Variants in NRXN3 observed in about 807,000 individuals in gnomAD.
NRXN3 encodes the protein neurexin III.
Under a neutral mutation model 137.6 loss-of-function variants are expected in NRXN3, and 32 were observed. The observed-to-expected ratio is 0.23, with a 90% CI of 0.18 to 0.31. The LOEUF (loss-of-function observed/expected upper bound fraction) is 0.31, where lower values mean the gene tolerates loss of function less well. Ranked by LOEUF, NRXN3 falls within the 10% of genes least tolerant of loss-of-function variation. The pLI, the probability that NRXN3 is intolerant of heterozygous loss-of-function variation, is 1.00. For synonymous variants in NRXN3, 798 were observed against 784.5 expected (o/e 1.02, Z -0.29); for missense variants, 1,574 against 2,062.5 (o/e 0.76, Z 4.59).
chr14:78,300,645 G>A, intron 4 of NRXN3: 1 of 1,523,296 alleles, frequency 6.6e-7, no homozygotes. Context: ...TGAACACCAT[G>A]CTTCCTCTAC....
At chr14:79,440,590 C>G (rs1433934873) in intron 15 of NRXN3, among the ~76,000 whole-genome samples, 2 of 152,138 alleles carry the variant, frequency 1.3e-5, no homozygotes, top group Non-Finnish European at 2.9e-5. Context: ...GCAGTGGTGT[C>G]TGGATTTGTA....
At chr14:78,709,996 C>G (rs569093586) in intron 7 of NRXN3, 1 of 257,800 alleles carries the variant, frequency 3.9e-6, no homozygotes, top group African/African-American at 2.2e-5. Context: ...TTCTTTGCTT[C>G]TCTTTTTCCT....
chr14:79,295,481 T>A (rs1159919665), intron 15 of NRXN3, among the ~76,000 whole-genome samples: 1 of 152,186 alleles, frequency 6.6e-6, no homozygotes, highest in African/African-American at 2.4e-5. Flanking sequence ...CTTGAATATC[T>A]CTGTTACAGT....
intron 19 of NRXN3, among the ~76,000 whole-genome samples, chr14:79,739,850 G>A (rs2098954905): frequency 6.6e-6 from 1 of 151,900 alleles, no homozygotes; most frequent in Admixed American, 6.6e-5. Flanking sequence ...CTGTTTCAAA[G>A]AATACCATCT....
intron 10 of NRXN3, among the ~76,000 whole-genome samples, chr14:78,898,383 A>G (rs1037029338): frequency 3.3e-5 from 5 of 151,926 alleles, no homozygotes; most frequent in East Asian, 2.0e-4. Flanking sequence ...AGAACTTACA[A>G]CTCCAGCAAT....
chr14:78,537,865 G>A (rs2096551302), intron 4 of NRXN3, among the ~76,000 whole-genome samples: 1 of 152,110 alleles, frequency 6.6e-6, no homozygotes, highest in South Asian at 2.1e-4. Flanking sequence ...ATTAAATAGG[G>A]AATCCTTTCC....
chr14:78,801,292 G>T (rs768715361), intron 8 of NRXN3, among the ~76,000 whole-genome samples: 4 of 152,190 alleles, frequency 2.6e-5, no homozygotes, highest in Non-Finnish European at 5.9e-5. Context: ...CAGCACTCCA[G>T]CCTGGATGAC....
chr14:78,660,056 T>A (rs2097824457), intron 6 of NRXN3, among the ~76,000 whole-genome samples: 1 of 151,942 alleles, frequency 6.6e-6, no homozygotes, highest in Non-Finnish European at 1.5e-5. Flanking sequence ...AGGAACCAGG[T>A]GTGAACATTT....
intron 10 of NRXN3, among the ~76,000 whole-genome samples, chr14:78,819,383 C>A (rs1481226477): frequency 2.6e-5 from 4 of 151,916 alleles, no homozygotes; most frequent in African/African-American, 9.7e-5. Context: ...GAAAATAATA[C>A]AAATAAAAAT....
intron 14 of NRXN3, among the ~76,000 whole-genome samples, chr14:78,980,270 C>T (rs1388339275): frequency 6.6e-6 from 1 of 152,210 alleles, no homozygotes; most frequent in African/African-American, 2.4e-5. Flanking sequence ...CCAGGCCTGT[C>T]ACTTCTCCTT....
At chr14:78,251,665 A>G (rs944963493) in intron 2 of NRXN3, among the ~76,000 whole-genome samples, 1 of 152,204 alleles carries the variant, frequency 6.6e-6, no homozygotes, top group African/African-American at 2.4e-5. Context: ...GGTGCAGGGA[A>G]TATAGGAATG....
intron 8 of NRXN3, among the ~76,000 whole-genome samples, chr14:78,722,961 A>G (rs2098466802): frequency 1.3e-5 from 2 of 152,132 alleles, no homozygotes; most frequent in South Asian, 4.2e-4. Context: ...AGGCAGAAGG[A>G]ACAGATGTAT....
chr14:79,434,495 G>A (rs1053353899), intron 15 of NRXN3, among the ~76,000 whole-genome samples: 6 of 152,206 alleles, frequency 3.9e-5, no homozygotes, highest in African/African-American at 1.4e-4. Context: ...AAGGCCCATG[G>A]CCGGAAATGC....
chr14:79,594,084 A>G (rs1454940796), intron 16 of NRXN3, among the ~76,000 whole-genome samples: 1 of 152,224 alleles, frequency 6.6e-6, no homozygotes, highest in Non-Finnish European at 1.5e-5. Flanking sequence ...GTTTTCTTTT[A>G]TAATGCAAAA....
intron 15 of NRXN3, among the ~76,000 whole-genome samples, chr14:79,389,601 G>T (rs1202066615): frequency 6.6e-6 from 1 of 152,188 alleles, no homozygotes; most frequent in Non-Finnish European, 1.5e-5. Flanking sequence ...CTACCTTGTG[G>T]ATACTTTGTG....
intron 14 of NRXN3, among the ~76,000 whole-genome samples, chr14:78,984,715 T>C (rs193279761): frequency 4.8e-4 from 73 of 152,290 alleles, no homozygotes; most frequent in Middle Eastern, 6.8e-3. Context: ...GGGTACAGCC[T>C]TAAAGTGTTT....
chr14:78,673,620 C>T (rs1238934681), intron 6 of NRXN3, among the ~76,000 whole-genome samples: 1 of 152,172 alleles, frequency 6.6e-6, no homozygotes, highest in African/African-American at 2.4e-5. Flanking sequence ...GTTCTGGAGG[C>T]TGGAAAGCCG....
At chr14:79,423,537 G>T (rs182459651) in intron 15 of NRXN3, among the ~76,000 whole-genome samples, 5 of 152,178 alleles carry the variant, frequency 3.3e-5, no homozygotes, top group Non-Finnish European at 5.9e-5. Flanking sequence ...TTAAGTTACT[G>T]GTTGGAAACT....
intron 10 of NRXN3, among the ~76,000 whole-genome samples, chr14:78,839,806 C>T (rs983180020): frequency 1.3e-5 from 2 of 152,174 alleles, no homozygotes; most frequent in African/African-American, 4.8e-5. Flanking sequence ...AAAGAGCCCA[C>T]CACATCTGCA....
Sources: allele counts gnomAD v4.1 joint callset (sites outside exome capture counted in the v4.1 genomes callset), GRCh38; gene constraint gnomAD v4.1.1; transcripts MANE v1.5; gene names NCBI Gene and HGNC (gene_info 2026-07-23, HGNC 2026-07-21).